Variants in SEC24B observed in about 807,000 individuals in gnomAD.
SEC24B encodes protein transport protein Sec24B.
A neutral mutation model predicts 142.8 loss-of-function variants in SEC24B; 45 were observed. The ratio of observed to expected loss-of-function variants is 0.32; its 90% CI spans 0.25 to 0.40. The LOEUF is 0.40. SEC24B is among the 10% of genes least tolerant of loss of function. The pLI is 1.00. For missense variants in SEC24B, 1,409 were observed against 1,526.8 expected (o/e 0.92, Z 1.29); for synonymous variants, 574 against 568.2 (o/e 1.01, Z -0.15).
At chr4:109,505,306 T>C (rs1488269892) in intron 6 of SEC24B, among the ~76,000 whole-genome samples, 1 of 152,106 alleles carries the variant, frequency 6.6e-6, no homozygotes, top group Non-Finnish European at 1.5e-5. Flanking sequence ...TAAAACCTAG[T>C]ATTTTATACA....
At chr4:109,454,757 A>G (rs1368733397) in intron 1 of SEC24B, among the ~76,000 whole-genome samples, 3 of 152,150 alleles carry the variant, frequency 2.0e-5, no homozygotes, top group Non-Finnish European at 4.4e-5. Context: ...AAACCTAAAA[A>G]TATTATTCTA....
Position 109,533,636 on chromosome 4 carries a change from T to C in SEC24B, c.3539T>C (p.Ile1180Thr), listed in dbSNP as rs370921750. ...WVGKGCDNNF[I>T]EDVLGYTNFA... Reference sequence around the variant, plus strand: ...GGGAAAGGCTGTGACAATAACTTCATAGAGGATGTGCTTGGATATACTAAT... The same window carrying C: ...GGGAAAGGCTGTGACAATAACTTCACAGAGGATGTGCTTGGATATACTAAT... Residue 1180 changes from isoleucine to threonine, a missense_variant, in exon 22 of 24, where the codon ATA becomes ACA. Physicochemically the swap from Ile to Thr is moderately conservative, Grantham distance 89 (BLOSUM62 -1). Coordinates refer to ENST00000265175, the MANE Select transcript of SEC24B (RefSeq NM_006323.5). 1.2e-6 allele frequency: 2 copies of C among 1,611,376 alleles called. No individual in the cohort carries two copies. The highest frequency in any genetic ancestry group is 1.1e-5 in the South Asian group (1 of 90,110).
At chr4:109,522,855 T>C (rs1723803702) in intron 14 of SEC24B, among the ~76,000 whole-genome samples, 1 of 152,184 alleles carries the variant, frequency 6.6e-6, no homozygotes. Context: ...AGTAATCAAT[T>C]GATTGCTTTT....
At chr4:109,434,146 G>A in intron 1 of SEC24B, 144 bp downstream of exon 1, 3 of 488,626 alleles carry the variant, frequency 6.1e-6, no homozygotes, top group Non-Finnish European at 2.7e-6. Flanking sequence ...GCGGTGCGGA[G>A]GCCGCGGGGT....
intron 11 of SEC24B, among the ~76,000 whole-genome samples, chr4:109,517,759 G>A (rs976781455): frequency 2.6e-5 from 4 of 151,922 alleles, no homozygotes; most frequent in Non-Finnish European, 5.9e-5. Flanking sequence ...AAAGATAAAA[G>A]GATTTTTTTA....
intron 6 of SEC24B, among the ~76,000 whole-genome samples, chr4:109,504,371 G>A (rs1736479906): frequency 6.6e-6 from 1 of 151,734 alleles, no homozygotes; most frequent in Non-Finnish European, 1.5e-5. Flanking sequence ...ATTTGCTTAT[G>A]CCTGTTAATT....
intron 4 of SEC24B, 84 bp downstream of exon 4, chr4:109,481,865 A>T (rs1042542274): frequency 4.2e-6 from 4 of 943,878 alleles, no homozygotes; most frequent in Admixed American, 4.5e-5. Context: ...AGCCTTTTAA[A>T]AAAGAGTCTT....
chr4:109,469,343 T>G (rs1732284329), intron 2 of SEC24B, among the ~76,000 whole-genome samples: 1 of 152,158 alleles, frequency 6.6e-6, no homozygotes, highest in African/African-American at 2.4e-5. Context: ...AACAAATACG[T>G]GAAAGCTAAC....
At chr4:109,493,129 A>G (rs1397479910) in intron 5 of SEC24B, among the ~76,000 whole-genome samples, 1 of 152,122 alleles carries the variant, frequency 6.6e-6, no homozygotes, top group African/African-American at 2.4e-5. Flanking sequence ...AAGGATTATG[A>G]CAGCATGTTG....
chr4:109,446,643 A>T (rs1729491813), intron 1 of SEC24B, among the ~76,000 whole-genome samples: 1 of 152,244 alleles, frequency 6.6e-6, no homozygotes, highest in Non-Finnish European at 1.5e-5. Flanking sequence ...TGTTAAAAAC[A>T]CTTTTCTTAT....
intron 22 of SEC24B, among the ~76,000 whole-genome samples, chr4:109,535,808 C>T (rs533161151): frequency 3.3e-5 from 5 of 151,988 alleles, no homozygotes; most frequent in African/African-American, 4.8e-5. Flanking sequence ...GCCGAGATCA[C>T]GCCACTGCGT....
At chr4:109,451,397 G>A (rs1171569906) in intron 1 of SEC24B, among the ~76,000 whole-genome samples, 1 of 147,406 alleles carries the variant, frequency 6.8e-6, no homozygotes, top group Non-Finnish European at 1.5e-5. Flanking sequence ...GTCTCGCTGT[G>A]TTGCCCAGGC....
intron 9 of SEC24B, among the ~76,000 whole-genome samples, chr4:109,512,306 A>G (rs1328354036): frequency 6.6e-6 from 1 of 152,184 alleles, no homozygotes; most frequent in Non-Finnish European, 1.5e-5. Context: ...AAAGTAAGAA[A>G]AATAGAAACA....
chr4:109,487,675 C>T (rs1412309187), intron 4 of SEC24B, among the ~76,000 whole-genome samples: 4 of 152,154 alleles, frequency 2.6e-5, no homozygotes, highest in African/African-American at 4.8e-5. Context: ...TTACTTAGAA[C>T]GCATTAATCT....
At chr4:109,467,380 C>T (rs1217906728) in intron 2 of SEC24B, among the ~76,000 whole-genome samples, 1 of 147,732 alleles carries the variant, frequency 6.8e-6, no homozygotes, top group African/African-American at 2.5e-5. Context: ...TTGAGTGTTA[C>T]ATTAGTTGTT....
chr4:109,450,174 TTG>T (rs560114325), intron 1 of SEC24B, among the ~76,000 whole-genome samples: 124 of 152,150 alleles, frequency 8.1e-4, no homozygotes, highest in Non-Finnish European at 1.4e-3. Context: ...GATCATACCT[TTG>T]TAGTCCAGAC....
intron 4 of SEC24B, among the ~76,000 whole-genome samples, chr4:109,488,230 A>C (rs769774696): frequency 1.3e-5 from 2 of 152,132 alleles, no homozygotes; most frequent in African/African-American, 2.4e-5. Flanking sequence ...CTTCACCCCA[A>C]AATAGAAACT....
At chr4:109,484,384 C>T (rs779343726) in intron 4 of SEC24B, among the ~76,000 whole-genome samples, 7 of 152,174 alleles carry the variant, frequency 4.6e-5, no homozygotes, top group Non-Finnish European at 5.9e-5. Context: ...AATTTGTTCT[C>T]ATATTGATGA....
chr4:109,531,302 C>A, intron 19 of SEC24B, 83 bp from the exon 20 acceptor site: 1 of 1,164,216 alleles, frequency 8.6e-7, no homozygotes, highest in Non-Finnish European at 1.2e-6. Context: ...ATGCTTTTTC[C>A]ATGATTGACA....
Sources: gnomAD v4.1 joint callset for allele counts (sites outside exome capture counted in the v4.1 genomes callset) on GRCh38, gnomAD v4.1.1 for gene constraint, MANE v1.5 for transcripts, NCBI Gene and HGNC (gene_info 2026-07-23, HGNC 2026-07-21) for gene names.